CHSY1: variants seen among roughly 807,000 people sequenced by gnomAD.
CHSY1 encodes chondroitin sulfate synthase 1, also known as N-acetylgalactosaminyl-proteoglycan 3-beta-glucuronosyltransferase 1.
Under a neutral mutation model 59.8 loss-of-function variants are expected in CHSY1, and 13 were observed. The ratio of observed to expected loss-of-function variants is 0.22; its 90% CI spans 0.14 to 0.35. The LOEUF (loss-of-function observed/expected upper bound fraction) is 0.35. Among genes scored for constraint, CHSY1 ranks in the 10% least tolerant of loss-of-function variants. The probability of loss-of-function intolerance (pLI) is 1.00; values close to 1 mark genes in which losing one functional copy is unlikely to be tolerated. For missense variants in CHSY1, 947 were observed against 1,030.6 expected, an observed-to-expected ratio of 0.92 and a Z score of 1.11; for synonymous variants, 459 against 401.2, an observed-to-expected ratio of 1.14 and a Z score of -1.72.
intron 2 of CHSY1, among the ~76,000 whole-genome samples, chr15:101,196,854 T>C (rs947924598): frequency 1.3e-5 from 2 of 152,206 alleles, no homozygotes; most frequent in Admixed American, 6.5e-5. Context: ...CAAGACCTCA[T>C]TTGTATTTGA....
rs540518802 is a variant in CHSY1, at chr15:101,204,593, C to CA, written c.817-25614dup. Among the ~76,000 whole-genome samples the CA allele has an allele frequency of 4.5e-4, 68 of 151,400 alleles. No homozygotes were observed. In the East Asian group the frequency reaches 7.3e-3, roughly 16 times the overall value. On this transcript the variant is annotated intron_variant, in intron 2 of 2. Transcript: ENST00000254190. The stretch of plus-strand genomic sequence containing the variant: ...TTTTTTCAAAATAAAAATTGCCCCC[C>CA]AAAAAACAGTGGTTAAAAATGACCA...
intron 2 of CHSY1, among the ~76,000 whole-genome samples, chr15:101,202,818 A>T (rs2038587727): frequency 6.6e-6 from 1 of 152,230 alleles, no homozygotes. Flanking sequence ...AGGACTAATA[A>T]CTTAAAAGCC....
chr15:101,240,166 T>C (rs1055425615), intron 1 of CHSY1, among the ~76,000 whole-genome samples: 4 of 152,218 alleles, frequency 2.6e-5, no homozygotes, highest in African/African-American at 7.2e-5. Flanking sequence ...GTCAAGTCTT[T>C]GTAAACCCTC....
chr15:101,217,859 T>C (rs1293336170), intron 2 of CHSY1, among the ~76,000 whole-genome samples: 5 of 152,156 alleles, frequency 3.3e-5, no homozygotes, highest in African/African-American at 7.2e-5. Flanking sequence ...AGCTGCATAT[T>C]AGTGACCTTC....
intron 1 of CHSY1, among the ~76,000 whole-genome samples, chr15:101,250,695 G>A (rs2039098407): frequency 6.6e-6 from 1 of 152,218 alleles, no homozygotes; most frequent in Non-Finnish European, 1.5e-5. Flanking sequence ...TCTAGAACTA[G>A]ATTAACGTAC....
At chr15:101,192,823 C>A (rs1057303075) in intron 2 of CHSY1, among the ~76,000 whole-genome samples, 7 of 152,206 alleles carry the variant, frequency 4.6e-5, no homozygotes, top group African/African-American at 1.7e-4. Context: ...CCTCCCTGCA[C>A]AATCATTCAA....
chr15:101,195,489 T>C (rs2038494695), intron 2 of CHSY1, among the ~76,000 whole-genome samples: 1 of 152,210 alleles, frequency 6.6e-6, no homozygotes, highest in African/African-American at 2.4e-5. Flanking sequence ...GTATAAGTCA[T>C]GTGTCAACCG....
intron 2 of CHSY1, among the ~76,000 whole-genome samples, chr15:101,201,888 G>A (rs2038577647): frequency 6.6e-6 from 1 of 152,206 alleles, no homozygotes; most frequent in Non-Finnish European, 1.5e-5. Context: ...GTCCAGGAGG[G>A]GGTTAGAAGG....
chr15:101,179,093 A>AAAGGCCCTAGAT (rs1339508327), intron 2 of CHSY1, 113 bp from the exon 3 acceptor site: 2 of 1,052,610 alleles, frequency 1.9e-6, no homozygotes, highest in Non-Finnish European at 2.8e-6. Context: ...ACAGCACACA[A>AAAGGCCCTAGAT]AAGGCCCTAG....
chr15:101,200,412 CCTGA>C (rs1003776686), intron 2 of CHSY1, among the ~76,000 whole-genome samples: 2 of 152,232 alleles, frequency 1.3e-5, no homozygotes, highest in Non-Finnish European at 2.9e-5. Flanking sequence ...GAGCAAGTCT[CCTGA>C]CTAATTTGGT....
chr15:101,219,911 C>T (rs1279729314), intron 2 of CHSY1, among the ~76,000 whole-genome samples: 1 of 152,186 alleles, frequency 6.6e-6, no homozygotes, highest in East Asian at 1.9e-4. Flanking sequence ...GGATTACAGG[C>T]ATGTGCCACC....
chr15:101,245,713 T>C (rs1490287620), intron 1 of CHSY1, among the ~76,000 whole-genome samples: 1 of 152,202 alleles, frequency 6.6e-6, no homozygotes, highest in Non-Finnish European at 1.5e-5. Flanking sequence ...CCCTGGAATA[T>C]TGTTTGAGCG....
intron 2 of CHSY1, among the ~76,000 whole-genome samples, chr15:101,233,491 C>T (rs2038911239): frequency 6.6e-6 from 1 of 152,196 alleles, no homozygotes; most frequent in Non-Finnish European, 1.5e-5. Context: ...GTTATAACTA[C>T]TTTCTTAGGA....
At chr15:101,194,567 TA>T (rs771572657) in intron 2 of CHSY1, among the ~76,000 whole-genome samples, 4 of 152,224 alleles carry the variant, frequency 2.6e-5, no homozygotes, top group Non-Finnish European at 5.9e-5. Context: ...CACCATTAAA[TA>T]AAGCTACATA....
chr15:101,202,704 C>G (rs180796129), intron 2 of CHSY1, among the ~76,000 whole-genome samples: 10 of 152,328 alleles, frequency 6.6e-5, no homozygotes, highest in Admixed American at 3.9e-4. Flanking sequence ...TAAGGTGACT[C>G]TCATTTAGGA....
At chr15:101,235,671 A>G in intron 1 of CHSY1, 94 bp from the exon 2 acceptor site, 1 of 1,393,414 alleles carries the variant, frequency 7.2e-7, no homozygotes, top group Non-Finnish European at 1.0e-6. Context: ...CGCCGTGTTC[A>G]ATGGAATGAT....
At chr15:101,213,302 T>TAAAATCCAAAACACTGATAA (rs753787133) in intron 2 of CHSY1, among the ~76,000 whole-genome samples, 3 of 151,844 alleles carry the variant, frequency 2.0e-5, no homozygotes, top group South Asian at 2.1e-4. Context: ...TTGCATTTTT[T>TAAAATCCAAAACACTGATAA]CTGGGAAGTG....
At position 101,185,699 on chromosome 15, in the gene CHSY1, CTTT is replaced by C. The variant is rs10556870; in HGVS notation, c.817-6722_817-6720del. On this transcript the variant is annotated intron_variant, in intron 2 of 2. Coordinates refer to ENST00000254190, the MANE Select transcript of CHSY1 (RefSeq NM_014918.5). ...CCCTGCAATGTTCTCCTCGAAATAT[CTTT>C]TTTTTTTTTTTTTTTTTTTAACCTC... Among the ~76,000 whole-genome samples the C allele has an allele frequency of 4.9e-3, 600 of 121,332 alleles. 2 individuals are homozygous for C. Among genetic ancestry groups the C allele is most frequent in the East Asian group, 0.012 (46 of 3,968 alleles). The allele number at this position is 121,332 out of a possible 152,430, so 79.6% of individuals were successfully genotyped here.
intron 2 of CHSY1, among the ~76,000 whole-genome samples, chr15:101,194,118 T>C (rs145525150): frequency 3.3e-5 from 5 of 152,382 alleles, no homozygotes; most frequent in Non-Finnish European, 5.9e-5. Context: ...ATTTTCTCTG[T>C]GCCCTCTTCA....
Sources: gnomAD v4.1 joint callset for allele counts (sites outside exome capture counted in the v4.1 genomes callset) on GRCh38, gnomAD v4.1.1 for gene constraint, MANE v1.5 for transcripts, NCBI Gene and HGNC (gene_info 2026-07-23, HGNC 2026-07-21) for gene names.